The following COL6A2 variants were observed in gnomAD, a reference collection of about 807,000 sequenced individuals.
COL6A2 encodes collagen alpha-2(VI) chain.
A neutral mutation model predicts 124.9 loss-of-function variants in COL6A2; 90 were observed. That is an observed-to-expected ratio of 0.72 (90% CI 0.61 to 0.86). The LOEUF (loss-of-function observed/expected upper bound fraction) is 0.86. COL6A2 is among the 40% of genes least tolerant of loss of function. The pLI, the probability that COL6A2 is intolerant of heterozygous loss-of-function variation, is 0.00. For missense variants in COL6A2, 1,607 were observed against 1,502.5 expected, an observed-to-expected ratio of 1.07 and a Z score of -1.15; for synonymous variants, 793 against 618.2, an observed-to-expected ratio of 1.28 and a Z score of -4.19.
rs2078765932 is a variant in COL6A2 at position 46,131,969 on chromosome 21, A to G, written c.2477A>G (p.Gln826Arg). 1 of 1,606,120 alleles carries G rather than the reference A, an allele frequency of 6.2e-7. No homozygotes were observed. ...CTCCCCACAGAGCTGTCCGTGGCAC[A>G]GTGCACGCAGCGGCCCGTGGACATC... Reference protein sequence around the residue: ...LPCQTELSVAQCTQRPVDIVF... With the variant: ...LPCQTELSVARCTQRPVDIVF... Residue 826 changes from glutamine to arginine, a missense_variant, in exon 28 of 28, where the codon CAG (glutamine) becomes CGG (arginine). Gln to Arg is a conservative substitution (Grantham distance 43). Around this residue, in one of 3 missense-constraint regions of COL6A2, gnomAD observed 1,223 missense variants for 1,052.2 expected, o/e 1.16. Transcript: ENST00000300527.
In COL6A2 at chr21:46,122,522, C is replaced by T. The variant is rs373635709; in HGVS notation, c.1599C>T (p.Arg533=). ...GAGAAAAAGGCGAGCCCGGCCCACGCGGCCCCGAGGTATGTGTGGGTCCTG... is the reference window on the plus strand; with the variant it reads ...GAGAAAAAGGCGAGCCCGGCCCACGTGGCCCCGAGGTATGTGTGGGTCCTG... ...APGEKGEPGP[R]GPEGGRGDFG... Residue 533 remains arginine (R), a synonymous_variant, in exon 20 of 28, where the codon CGC becomes CGT. Transcript: ENST00000300527. 93 of 1,612,616 alleles carry T rather than the reference C, an allele frequency of 5.8e-5. 1 individual carries two copies. In the Middle Eastern group the frequency reaches 1.2e-3, roughly 20 times the overall value.
chr21:46,104,426 C>T (rs754298509), intron 1 of COL6A2, among the ~76,000 whole-genome samples: 1 of 152,124 alleles, frequency 6.6e-6, no homozygotes, highest in Non-Finnish European at 1.5e-5. Flanking sequence ...AGGCAGATTT[C>T]AGCAGGCAGA....
At chr21:46,126,408 G>C in intron 26 of COL6A2, 95 bp from the exon 27 acceptor site, 5 of 1,565,780 alleles carry the variant, frequency 3.2e-6, no homozygotes, top group Non-Finnish European at 4.4e-6. Flanking sequence ...GAGGCCAGCT[G>C]CACCCTGAGC....
chr21:46,117,026 G>A lies in COL6A2; in HGVS notation c.999+212G>A, dbSNP rs559406881. Among the ~76,000 whole-genome samples the A allele has an allele frequency of 2.0e-5, 3 of 152,210 alleles. No individual in the cohort carries two copies. The South Asian group carries it at 6.2e-4, about 32-fold the overall frequency. ...ACCAGCCTGCATCTAATTCATGGCTGCACATCCCGGCTTGGGGCAGCTCCA... is the reference window on the plus strand; with the variant it reads ...ACCAGCCTGCATCTAATTCATGGCTACACATCCCGGCTTGGGGCAGCTCCA... On this transcript the variant is annotated intron_variant, in intron 10 of 27. Coordinates refer to ENST00000300527, the MANE Select transcript of COL6A2 (RefSeq NM_001849.4).
At chr21:46,104,032 T>C (rs1164373234) in intron 1 of COL6A2, among the ~76,000 whole-genome samples, 2 of 152,226 alleles carry the variant, frequency 1.3e-5, no homozygotes, top group African/African-American at 4.8e-5. Context: ...AAGAAGACCT[T>C]AAGTTTATAC....
intron 14 of COL6A2, 105 bp from the exon 15 acceptor site, chr21:46,119,683 C>A: frequency 1.9e-6 from 2 of 1,031,946 alleles, no homozygotes; most frequent in South Asian, 1.4e-5. Flanking sequence ...AAAGCCAGAG[C>A]CCTCCTGTAG....
At chr21:46,098,340 G>A (rs1452391673) in intron 1 of COL6A2, among the ~76,000 whole-genome samples, 167 bp downstream of exon 1, 1 of 151,880 alleles carries the variant, frequency 6.6e-6, no homozygotes, top group Non-Finnish European at 1.5e-5. Flanking sequence ...TCCTCCTCGC[G>A]GGGCTGGGGC....
Position 46,131,837 on chromosome 21 carries a change from C to T in COL6A2, c.2462-117C>T, listed in dbSNP as rs75802540. 1.8e-3 allele frequency: 1,769 copies of T among 978,636 alleles called. 21 individuals carry two copies. In the African/African-American group the frequency reaches 0.026, roughly 14 times the overall value. The allele number at this position is 978,636 out of a possible 1,614,324, so 60.6% of individuals were successfully genotyped here. ...CCTGCAGAAACGCCCCCGCAGAGCC[C>T]AGTGGTCTGTGAGGTTGCAGGCAGG... On this transcript the variant is annotated intron_variant, in intron 27 of 27. Coordinates refer to ENST00000300527, the MANE Select transcript of COL6A2 (RefSeq NM_001849.4).
At chr21:46,115,804 TG>T (rs2078460882) in intron 5 of COL6A2, 67 bp from the exon 6 acceptor site, 1 of 1,395,682 alleles carries the variant, frequency 7.2e-7, no homozygotes, top group African/African-American at 1.4e-5. Flanking sequence ...AGAGGAGCTG[TG>T]GCAGGGTCCC....
At chr21:46,120,407 T>C (rs2078545312) in intron 15 of COL6A2, 108 bp from the exon 16 acceptor site, 4 of 848,246 alleles carry the variant, frequency 4.7e-6, no homozygotes, top group Non-Finnish European at 3.7e-6. Flanking sequence ...GACGGGGTTC[T>C]TCCTCCCAGG....
rs909940106 is a variant in COL6A2, at chr21:46,126,227, C to T, written c.2412C>T (p.Val804=). 12 of 1,599,054 alleles carry T rather than the reference C, an allele frequency of 7.5e-6. No homozygotes were observed. Among genetic ancestry groups the T allele is most frequent in the African/African-American group, 1.3e-5 (1 of 74,824 alleles). Residue 804 remains valine, a synonymous_variant, in exon 26 of 28, where the codon GTC becomes GTT. Transcript: ENST00000300527. ...AEKFIDDMED[V]LCPDPQIVCP... The stretch of plus-strand genomic sequence containing the variant: ...AGTTCATCGATGACATGGAGGACGT[C>T]CTCTGCCCGGGTGAGCGTGTGGGCG...
chr21:46,122,259 A>T (rs2078578809), intron 19 of COL6A2, 101 bp downstream of exon 19: 2 of 1,408,462 alleles, frequency 1.4e-6, no homozygotes, highest in Admixed American at 1.9e-5. Context: ...CTCTGTGCAG[A>T]AGAAAGTGTG....
rs370008311 is a variant in COL6A2, at chr21:46,115,933, T to C, written c.855+8T>C. ...GGCCAGAAGGGAAGACAGGTGAGTGTCCTTGCCCCACGCCCGCCCCGCCTG... is the reference window on the plus strand; with the variant it reads ...GGCCAGAAGGGAAGACAGGTGAGTGCCCTTGCCCCACGCCCGCCCCGCCTG... On this transcript the variant is annotated splice_region_variant and intron_variant, in intron 6 of 27. Coordinates refer to ENST00000300527, the MANE Select transcript of COL6A2 (RefSeq NM_001849.4). 19 of 1,612,724 alleles carry C rather than the reference T, an allele frequency of 1.2e-5. No homozygotes were observed. The African/African-American group carries it at 2.5e-4, about 21-fold the overall frequency.
chr21:46,122,628 C>G (rs941639709), intron 20 of COL6A2, 97 bp downstream of exon 20: 1 of 1,386,614 alleles, frequency 7.2e-7, no homozygotes. Flanking sequence ...ACAGGACCAC[C>G]CCTGTCTTGA....
At position 46,119,794 on chromosome 21, in the gene COL6A2, AG is replaced by A; in HGVS notation, c.1280del (p.Gly427GlufsTer118). The A allele has an allele frequency of 6.4e-7, 1 of 1,561,844 alleles. No homozygotes were observed. Among genetic ancestry groups the A allele is most frequent in the Non-Finnish European group, 8.7e-7 (1 of 1,152,660 alleles). On this transcript the variant is annotated frameshift_variant, in exon 15 of 28. Transcript: ENST00000300527. LOFTEE classifies it high-confidence loss of function. Reference sequence around the variant, plus strand: ...ACACGCCTGTTCTCTGCAGGGGCGCAGGGGAGACCCCGGCACCAAGGGCAGC... The same window carrying A: ...ACACGCCTGTTCTCTGCAGGGGCGCAGGGAGACCCCGGCACCAAGGGCAGC... ...PRGPKGEPGR[R>X]GDPGTKGSPG...
In COL6A2 at chr21:46,109,488, C is replaced by G. The variant is rs1480565611; in HGVS notation, c.-27-1962C>G. On this transcript the variant is annotated intron_variant, in intron 1 of 27. Transcript: ENST00000300527. ...GCCCCAGCCTGAAGGTGGGGCTTCACTGGGGACCCATCCTCTTCTGCCCAG... is the reference window on the plus strand; with the variant it reads ...GCCCCAGCCTGAAGGTGGGGCTTCAGTGGGGACCCATCCTCTTCTGCCCAG... 2.6e-5 allele frequency among the ~76,000 whole-genome samples: 4 copies of G among 152,200 alleles called. No homozygotes were observed. In the East Asian group the frequency reaches 7.7e-4, roughly 29 times the overall value.
Position 46,125,497 on chromosome 21 carries a change from G to A in COL6A2, c.1849G>A (p.Val617Ile). The change falls in exon 25 of 28, where the codon GTC (valine) becomes ATC (isoleucine). Residue 617 changes from valine to isoleucine, a missense_variant. Physicochemically the swap from Val to Ile is conservative, Grantham distance 29. Transcript: ENST00000300527. Reference protein sequence around the residue: ...CEKRCGALDVVFVIDSSESIG... With the variant: ...CEKRCGALDVIFVIDSSESIG... ...GAAGCGCTGTGGCGCCCTGGACGTG[G>A]TCTTCGTCATCGACAGCTCCGAGAG... 1.9e-6 allele frequency: 3 copies of A among 1,613,002 alleles called. No individual in the cohort carries two copies. Among genetic ancestry groups the A allele is most frequent in the Non-Finnish European group, 2.5e-6 (3 of 1,179,986 alleles).
intron 14 of COL6A2, among the ~76,000 whole-genome samples, chr21:46,119,513 C>G (rs1040318759): frequency 1.1e-4 from 16 of 152,234 alleles, no homozygotes; most frequent in African/African-American, 3.1e-4. Context: ...TAAAACGCCA[C>G]TCACCAGACA....
Position 46,122,908 on chromosome 21 carries a change from C to T in COL6A2, c.1642C>T (p.Pro548Ser), listed in dbSNP as rs768102862. 2 of 1,613,278 alleles carry T rather than the reference C, an allele frequency of 1.2e-6. No homozygotes were observed. Among genetic ancestry groups the T allele is most frequent in the East Asian group, 2.2e-5 (1 of 44,872 alleles). The change falls in exon 21 of 28, where the codon CCT becomes TCT. Residue 548 changes from proline (P) to serine (S), a missense_variant. Pro to Ser is a moderately conservative substitution (Grantham distance 74). Transcript: ENST00000300527. ...GRGDFGLKGEPGRKGEKGEPA... is the reference protein window; with the variant it reads ...GRGDFGLKGESGRKGEKGEPA... ...AGGCGACTTTGGCTTGAAAGGAGAA[C>T]CTGGGAGGAAAGGAGAGAAAGGAGA...
Sources: gnomAD v4.1 joint callset for allele counts (sites outside exome capture counted in the v4.1 genomes callset) on GRCh38, gnomAD v4.1.1 for gene constraint, gnomAD v4.1.1 regional missense constraint, MANE v1.5 for transcripts, NCBI Gene and HGNC (gene_info 2026-07-23, HGNC 2026-07-21) for gene names.